Variants in IQGAP2 observed in about 807,000 individuals in gnomAD.
IQGAP2 encodes the protein ras GTPase-activating-like protein IQGAP2.
Under a neutral mutation model 201.3 loss-of-function variants are expected in IQGAP2, and 173 were observed. That is an observed-to-expected ratio of 0.86 (90% CI 0.76 to 0.98). IQGAP2 has a LOEUF of 0.98. Among genes scored for constraint, IQGAP2 ranks in the 50% least tolerant of loss-of-function variants. The probability of loss-of-function intolerance (pLI) is 0.00; values close to 1 mark genes in which losing one functional copy is unlikely to be tolerated. For missense variants in IQGAP2, 1,687 were observed against 1,864.8 expected (o/e 0.90, Z 1.76); for synonymous variants, 675 against 673.9 (o/e 1.00, Z -0.03).
intron 1 of IQGAP2, among the ~76,000 whole-genome samples, chr5:76,418,576 AGAGT>A (rs1751543670): frequency 7.3e-6 from 1 of 137,422 alleles, no homozygotes; most frequent in South Asian, 2.5e-4. Flanking sequence ...CCTGGGTCAC[AGAGT>A]GAGACTCCAT....
chr5:76,670,594 A>G (rs904328301), intron 23 of IQGAP2, among the ~76,000 whole-genome samples: 2 of 152,200 alleles, frequency 1.3e-5, no homozygotes, highest in African/African-American at 4.8e-5. Context: ...TGACTGGGTA[A>G]GATAAGAACC....
chr5:76,419,678 T>C (rs1751621143), intron 1 of IQGAP2, among the ~76,000 whole-genome samples: 1 of 151,634 alleles, frequency 6.6e-6, no homozygotes, highest in African/African-American at 2.4e-5. Context: ...CTTTTCTTTT[T>C]TTTTTTTTGT....
chr5:76,601,756 T>C (rs1376683894), intron 11 of IQGAP2, among the ~76,000 whole-genome samples: 2 of 152,230 alleles, frequency 1.3e-5, no homozygotes, highest in Non-Finnish European at 2.9e-5. Context: ...TTGGGTCATG[T>C]ACAGTTGCCA....
At chr5:76,610,335 C>T (rs751975507) in intron 12 of IQGAP2, among the ~76,000 whole-genome samples, 3 of 150,392 alleles carry the variant, frequency 2.0e-5, no homozygotes, top group Admixed American at 6.6e-5. Flanking sequence ...TGAAAAGATG[C>T]TCAAAATCAT....
At chr5:76,497,678 T>C (rs1757065117) in intron 2 of IQGAP2, among the ~76,000 whole-genome samples, 1 of 152,194 alleles carries the variant, frequency 6.6e-6, no homozygotes, top group Non-Finnish European at 1.5e-5. Flanking sequence ...CTCCTCTGTA[T>C]GGGAGAATGT....
intron 2 of IQGAP2, among the ~76,000 whole-genome samples, chr5:76,554,119 C>T (rs188331346): frequency 3.3e-5 from 5 of 152,290 alleles, no homozygotes; most frequent in Admixed American, 3.3e-4. Context: ...GTAGTCTTTT[C>T]AACTGGTGGT....
chr5:76,504,035 GC>G (rs1417934017), intron 2 of IQGAP2, among the ~76,000 whole-genome samples: 1 of 152,176 alleles, frequency 6.6e-6, no homozygotes, highest in African/African-American at 2.4e-5. Flanking sequence ...CTTTTCAAAT[GC>G]CCTGCTAAAG....
chr5:76,601,895 C>G (rs1050888545), intron 11 of IQGAP2, among the ~76,000 whole-genome samples: 1 of 152,142 alleles, frequency 6.6e-6, no homozygotes, highest in African/African-American at 2.4e-5. Flanking sequence ...GAAACTAATT[C>G]TCTTGTTCTA....
intron 5 of IQGAP2, among the ~76,000 whole-genome samples, chr5:76,580,834 C>G (rs1561481310): frequency 6.6e-6 from 1 of 152,220 alleles, no homozygotes; most frequent in Non-Finnish European, 1.5e-5. Flanking sequence ...TGTGGAACCA[C>G]CACTCTCTAG....
chr5:76,514,494 G>T (rs955313113), intron 2 of IQGAP2, among the ~76,000 whole-genome samples: 18 of 152,086 alleles, frequency 1.2e-4, no homozygotes, highest in African/African-American at 4.3e-4. Context: ...CCCACTCCCA[G>T]CCTGTCCTAC....
intron 3 of IQGAP2, among the ~76,000 whole-genome samples, chr5:76,568,771 T>A (rs962641792): frequency 6.6e-6 from 1 of 152,184 alleles, no homozygotes; most frequent in Admixed American, 6.5e-5. Context: ...CAATTTGGTG[T>A]CTTGGTAATT....
chr5:76,408,573 TG>T (rs1750922811), intron 1 of IQGAP2, among the ~76,000 whole-genome samples: 1 of 152,154 alleles, frequency 6.6e-6, no homozygotes, highest in African/African-American at 2.4e-5. Context: ...TTAAGTAGTT[TG>T]TCATGATTCT....
At chr5:76,446,374 A>G (rs1472778021) in intron 1 of IQGAP2, among the ~76,000 whole-genome samples, 1 of 152,018 alleles carries the variant, frequency 6.6e-6, no homozygotes, top group Non-Finnish European at 1.5e-5. Flanking sequence ...GCATTTTTTA[A>G]TATGTAAAAT....
intron 16 of IQGAP2, 38 bp from the exon 17 acceptor site, chr5:76,640,892 CTGA>C: frequency 1.4e-6 from 2 of 1,413,410 alleles, no homozygotes. Context: ...TGCCTTTCAG[CTGA>C]TGTGTGAAGT....
At chr5:76,417,251 G>A (rs993740960) in intron 1 of IQGAP2, among the ~76,000 whole-genome samples, 1 of 151,840 alleles carries the variant, frequency 6.6e-6, no homozygotes, top group Non-Finnish European at 1.5e-5. Context: ...TACCTCAAAG[G>A]CAATGCTACC....
At chr5:76,425,972 C>G (rs1177504233) in intron 1 of IQGAP2, among the ~76,000 whole-genome samples, 1 of 152,144 alleles carries the variant, frequency 6.6e-6, no homozygotes, top group Non-Finnish European at 1.5e-5. Context: ...AGTTTCAGAG[C>G]AGGTTTTCCC....
chr5:76,499,150 C>G (rs1173661422), intron 2 of IQGAP2, among the ~76,000 whole-genome samples: 1 of 152,188 alleles, frequency 6.6e-6, no homozygotes, highest in Non-Finnish European at 1.5e-5. Context: ...GTGGAGATAG[C>G]ACAATTATGA....
intron 19 of IQGAP2, 105 bp from the exon 20 acceptor site, chr5:76,654,829 G>A (rs1438517738): frequency 2.8e-6 from 2 of 706,146 alleles, no homozygotes; most frequent in African/African-American, 3.6e-5. Context: ...TCAGTTCTAA[G>A]TAGTGTCAGT....
At chr5:76,561,973 T>C (rs1009201113) in intron 2 of IQGAP2, among the ~76,000 whole-genome samples, 11 of 152,194 alleles carry the variant, frequency 7.2e-5, no homozygotes, top group Admixed American at 6.5e-5. Flanking sequence ...GATTTTATAG[T>C]ACTTGGGACT....
Sources: gnomAD v4.1 joint callset for allele counts (sites outside exome capture counted in the v4.1 genomes callset) on GRCh38, gnomAD v4.1.1 for gene constraint, MANE v1.5 for transcripts, NCBI Gene and HGNC (gene_info 2026-07-23, HGNC 2026-07-21) for gene names.